The following SLIT3 variants were observed in gnomAD, a reference collection of about 807,000 sequenced individuals.
SLIT3 encodes the protein slit guidance ligand 3.
In SLIT3, 68 loss-of-function variants were observed where a neutral mutation model predicts 184.0. The observed-to-expected ratio is 0.37, with a 90% CI of 0.30 to 0.45. The LOEUF is 0.45. SLIT3 is among the 20% of genes least tolerant of loss of function. SLIT3 has a pLI of 1.00. For missense variants in SLIT3, 1,707 were observed against 2,026.0 expected, an observed-to-expected ratio of 0.84 and a Z score of 3.02; for synonymous variants, 831 against 828.6, an observed-to-expected ratio of 1.00 and a Z score of -0.05.
chr5:168,673,208 T>C lies in SLIT3; in HGVS notation c.3810A>G (p.Ala1270=), dbSNP rs1437961374. The change falls in exon 33 of 36, where the codon GCA becomes GCG. Residue 1270 remains alanine (A), a synonymous_variant. Coordinates refer to ENST00000519560, the MANE Select transcript of SLIT3 (RefSeq NM_003062.4). ...KSLGKLQKQP[A]VGINSPLYLG... The stretch of plus-strand genomic sequence containing the variant: ...GGTAGAGGGGGCTGTTGATGCCCAC[T>C]GCTGGCTGCTTCTGGAGCTTCCCCA... 1.2e-6 allele frequency: 2 copies of C among 1,614,162 alleles called. No homozygotes were observed. Among genetic ancestry groups the C allele is most frequent in the South Asian group, 2.2e-5 (2 of 91,070 alleles).
intron 4 of SLIT3, among the ~76,000 whole-genome samples, chr5:168,965,141 G>T (rs1459496015): frequency 6.6e-6 from 1 of 152,070 alleles, no homozygotes; most frequent in Non-Finnish European, 1.5e-5. Context: ...AGCTCACCTG[G>T]GTCACTCTCA....
intron 4 of SLIT3, among the ~76,000 whole-genome samples, chr5:169,148,721 T>C (rs1192171989): frequency 6.6e-6 from 1 of 152,224 alleles, no homozygotes; most frequent in Admixed American, 6.5e-5. Flanking sequence ...TGGTGCTCAG[T>C]ATAAAATGTA....
At chr5:168,957,533 C>T (rs1441936685) in intron 4 of SLIT3, among the ~76,000 whole-genome samples, 7 of 152,166 alleles carry the variant, frequency 4.6e-5, no homozygotes, top group Non-Finnish European at 1.0e-4. Context: ...GGCCCAGGAC[C>T]CTGCATTTCT....
At chr5:168,751,632 G>A (rs1048315814) in intron 18 of SLIT3, among the ~76,000 whole-genome samples, 2 of 152,032 alleles carry the variant, frequency 1.3e-5, no homozygotes, top group Non-Finnish European at 1.5e-5. Flanking sequence ...CCCTTCCCAC[G>A]ACAGCGCACT....
At chr5:168,955,192 T>C (rs1460514808) in intron 4 of SLIT3, among the ~76,000 whole-genome samples, 2 of 152,186 alleles carry the variant, frequency 1.3e-5, no homozygotes, top group Non-Finnish European at 2.9e-5. Flanking sequence ...AAGTTTGACA[T>C]TGTCAATGGT....
intron 23 of SLIT3, among the ~76,000 whole-genome samples, chr5:168,716,946 C>T (rs531083079): frequency 1.0e-4 from 15 of 144,622 alleles, no homozygotes; most frequent in African/African-American, 4.0e-4. Context: ...CTTCCCACTC[C>T]TGCCCCCAGA....
At chr5:169,240,868 AT>A (rs1765382497) in intron 3 of SLIT3, among the ~76,000 whole-genome samples, 1 of 145,312 alleles carries the variant, frequency 6.9e-6, no homozygotes, top group Admixed American at 7.0e-5. Context: ...GACTATCATA[AT>A]TTTTTGGCTT....
intron 4 of SLIT3, among the ~76,000 whole-genome samples, chr5:168,901,201 A>G (rs978572021): frequency 6.6e-5 from 10 of 152,072 alleles, no homozygotes; most frequent in African/African-American, 2.4e-4. Flanking sequence ...TCTACTAAAA[A>G]CACAAAAACA....
chr5:168,904,723 C>A (rs11746875), intron 4 of SLIT3, among the ~76,000 whole-genome samples: 53,271 of 151,924 alleles, frequency 0.35, 10,508 homozygotes, highest in East Asian at 0.61. Flanking sequence ...ATTAGAGAAA[C>A]CCCAAACAAG....
chr5:168,840,593 C>G (rs1441129797), intron 6 of SLIT3, among the ~76,000 whole-genome samples: 1 of 152,114 alleles, frequency 6.6e-6, no homozygotes, highest in Non-Finnish European at 1.5e-5. Flanking sequence ...CACACAGAGC[C>G]AGGAATGCAG....
intron 4 of SLIT3, among the ~76,000 whole-genome samples, chr5:169,101,808 C>G (rs1760029123): frequency 6.6e-6 from 1 of 152,178 alleles, no homozygotes; most frequent in African/African-American, 2.4e-5. Context: ...ACATGTTATT[C>G]TGCTCTGCTT....
chr5:168,689,407 C>T (rs563548643), intron 29 of SLIT3, among the ~76,000 whole-genome samples: 1 of 152,272 alleles, frequency 6.6e-6, no homozygotes, highest in African/African-American at 2.4e-5. Flanking sequence ...TCCTTGGTTC[C>T]AGGACATCTG....
intron 4 of SLIT3, among the ~76,000 whole-genome samples, chr5:168,917,728 T>C (rs1260014132): frequency 6.6e-6 from 1 of 152,234 alleles, no homozygotes. Context: ...CCCTCCAATC[T>C]GGAAGGTTTT....
Position 169,177,241 on chromosome 5 carries a change from C to T in SLIT3, c.413+16238G>A, listed in dbSNP as rs117583965. On this transcript the variant is annotated intron_variant, in intron 4 of 35. Transcript: ENST00000519560. ...GCCAGGAGCCAGAAGTAATTTACAA[C>T]AGGGAAGTAAACAGGGCCCCAGATA... Among the ~76,000 whole-genome samples, 37 of 152,256 alleles carry T rather than the reference C, an allele frequency of 2.4e-4. No individual in the cohort carries two copies. In the East Asian group the frequency reaches 7.1e-3, roughly 29 times the overall value.
chr5:168,842,986 G>A lies in SLIT3; in HGVS notation c.557+1598C>T, dbSNP rs537860786. Among the ~76,000 whole-genome samples the A allele has an allele frequency of 2.0e-4, 30 of 152,280 alleles. No homozygotes were observed. In the Middle Eastern group the frequency reaches 0.01, roughly 52 times the overall value. The stretch of plus-strand genomic sequence containing the variant: ...CTCAGCCCCAGCCTCCTGATAAGAG[G>A]AGTCCTAGGTTACTAAATTTGGGCT... On this transcript the variant is annotated intron_variant, in intron 6 of 35. Transcript: ENST00000519560.
chr5:169,014,881 G>A (rs1756303856), intron 4 of SLIT3, among the ~76,000 whole-genome samples: 1 of 152,198 alleles, frequency 6.6e-6, no homozygotes, highest in African/African-American at 2.4e-5. Flanking sequence ...AACTCGGGAG[G>A]CAGAGGTTGC....
chr5:168,700,760 G>T, intron 26 of SLIT3, 81 bp from the exon 27 acceptor site: 1 of 1,027,218 alleles, frequency 9.7e-7, no homozygotes, highest in South Asian at 1.3e-5. Context: ...AGGGGTTCCA[G>T]CATTCTCTGT....
chr5:169,080,265 C>G (rs1758974381), intron 4 of SLIT3, among the ~76,000 whole-genome samples: 1 of 152,126 alleles, frequency 6.6e-6, no homozygotes, highest in East Asian at 1.9e-4. Flanking sequence ...CTCAGAGGAG[C>G]CTGACTCAAG....
At chr5:168,989,171 T>C (rs1444292264) in intron 4 of SLIT3, among the ~76,000 whole-genome samples, 4 of 152,186 alleles carry the variant, frequency 2.6e-5, no homozygotes, top group African/African-American at 9.7e-5. Context: ...GGCAAATCCA[T>C]ACAAGACGGA....
Sources: allele counts gnomAD v4.1 joint callset (sites outside exome capture counted in the v4.1 genomes callset), GRCh38; gene constraint gnomAD v4.1.1; transcripts MANE v1.5; gene names NCBI Gene and HGNC (gene_info 2026-07-23, HGNC 2026-07-21).